The following EPB41L4A variants were observed in gnomAD, a reference collection of about 807,000 sequenced individuals.
EPB41L4A encodes band 4.1-like protein 4A.
A neutral mutation model predicts 108.6 loss-of-function variants in EPB41L4A; 100 were observed. That is an observed-to-expected ratio of 0.92 (90% confidence interval 0.78 to 1.09). EPB41L4A has a LOEUF of 1.09. Among genes scored for constraint, EPB41L4A ranks in the 50% least tolerant of loss-of-function variants. The probability of loss-of-function intolerance (pLI) is 0.00; values close to 1 mark genes in which losing one functional copy is unlikely to be tolerated. For synonymous variants in EPB41L4A, 319 were observed against 289.0 expected (o/e 1.10, Z -1.05); for missense variants, 1,030 against 842.7 (o/e 1.22, Z -2.75).
intron 2 of EPB41L4A, among the ~76,000 whole-genome samples, chr5:112,298,876 G>A (rs567750216): frequency 6.6e-6 from 1 of 152,042 alleles, no homozygotes; most frequent in Admixed American, 6.6e-5. Flanking sequence ...TAAGCTAGGA[G>A]GGTTGTCTCT....
At chr5:112,185,207 C>A (rs1336780096) in intron 17 of EPB41L4A, among the ~76,000 whole-genome samples, 1 of 151,806 alleles carries the variant, frequency 6.6e-6, no homozygotes, top group African/African-American at 2.4e-5. Flanking sequence ...GTATACAGAG[C>A]GGCATGGAAT....
intron 4 of EPB41L4A, among the ~76,000 whole-genome samples, chr5:112,272,204 G>A (rs1164475797): frequency 1.4e-5 from 2 of 141,144 alleles, no homozygotes; most frequent in Non-Finnish European, 3.0e-5. Context: ...CCGCAATCTT[G>A]GCTCACTGCA....
chr5:112,282,020 T>G (rs1316462589), intron 2 of EPB41L4A, among the ~76,000 whole-genome samples: 8 of 152,166 alleles, frequency 5.3e-5, no homozygotes, highest in Admixed American at 5.2e-4. Context: ...AAAACTAAAA[T>G]GTTCATTATT....
At chr5:112,235,933 C>G (rs1749300565) in intron 11 of EPB41L4A, among the ~76,000 whole-genome samples, 1 of 152,116 alleles carries the variant, frequency 6.6e-6, no homozygotes, top group African/African-American at 2.4e-5. Context: ...TAAAAAGGTA[C>G]ACAGGATAAC....
At chr5:112,415,529 T>C (rs1264062491) in intron 1 of EPB41L4A, among the ~76,000 whole-genome samples, 1 of 152,178 alleles carries the variant, frequency 6.6e-6, no homozygotes, top group East Asian at 1.9e-4. Flanking sequence ...AATCAAATCT[T>C]GTGACTTTTG....
At chr5:112,373,623 C>T (rs1460497471) in intron 1 of EPB41L4A, among the ~76,000 whole-genome samples, 1 of 152,180 alleles carries the variant, frequency 6.6e-6, no homozygotes, top group African/African-American at 2.4e-5. Context: ...GAAGAGGAAA[C>T]TGAGATACAA....
At chr5:112,161,575 T>C, downstream of EPB41L4A, 1 of 519,242 alleles carries the variant, frequency 1.9e-6, no homozygotes, top group South Asian at 1.4e-5. Context: ...TTCCTGCCCT[T>C]AAATTTGATA....
intron 1 of EPB41L4A, among the ~76,000 whole-genome samples, chr5:112,414,532 C>T (rs944909732): frequency 3.3e-5 from 5 of 152,046 alleles, no homozygotes; most frequent in Non-Finnish European, 5.9e-5. Context: ...GGATAAACTC[C>T]CACAGGGAGT....
intron 13 of EPB41L4A, among the ~76,000 whole-genome samples, chr5:112,145,133 T>TA (rs1461488190): frequency 6.6e-6 from 1 of 152,126 alleles, no homozygotes; most frequent in South Asian, 2.1e-4. Context: ...CTACTAAAAA[T>TA]ACAAAAATTA....
At chr5:112,353,231 T>A (rs542760659) in intron 1 of EPB41L4A, among the ~76,000 whole-genome samples, 1 of 149,134 alleles carries the variant, frequency 6.7e-6, no homozygotes, top group African/African-American at 2.4e-5. Context: ...GCATGCCTGT[T>A]GGCATGCTTG....
intron 12 of EPB41L4A, among the ~76,000 whole-genome samples, chr5:112,225,885 A>G (rs1748413874): frequency 6.6e-6 from 1 of 152,222 alleles, no homozygotes; most frequent in South Asian, 2.1e-4. Flanking sequence ...GTGACTCTGT[A>G]CAAGTCTCAG....
chr5:112,357,353 C>T (rs895897260), intron 1 of EPB41L4A, among the ~76,000 whole-genome samples: 1 of 147,774 alleles, frequency 6.8e-6, no homozygotes, highest in Non-Finnish European at 1.5e-5. Flanking sequence ...TGGGCCTTTA[C>T]AGAAATGTTC....
chr5:112,334,036 G>A (rs919858411), intron 1 of EPB41L4A, among the ~76,000 whole-genome samples: 1 of 152,174 alleles, frequency 6.6e-6, no homozygotes, highest in African/African-American at 2.4e-5. Context: ...ATGGGAACGG[G>A]TTGCGGGGTG....
At chr5:112,270,239 G>A (rs1267867649) in intron 4 of EPB41L4A, among the ~76,000 whole-genome samples, 1 of 152,158 alleles carries the variant, frequency 6.6e-6, no homozygotes, top group African/African-American at 2.4e-5. Context: ...TTAAGACCCT[G>A]CTGAGAAAAC....
At chr5:112,257,012 TA>T (rs1397300448) in intron 9 of EPB41L4A, 1 of 152,188 alleles carries the variant, frequency 6.6e-6, no homozygotes, top group Admixed American at 6.5e-5. Flanking sequence ...ATGACCATAC[TA>T]AGTCTTTCTG....
intron 1 of EPB41L4A, among the ~76,000 whole-genome samples, chr5:112,333,165 GC>G (rs1756674650): frequency 6.6e-6 from 1 of 152,180 alleles, no homozygotes; most frequent in Non-Finnish European, 1.5e-5. Flanking sequence ...CACCCAAAGG[GC>G]TTAGAGCAGA....
At chr5:112,239,061 A>G (rs1749579549) in intron 11 of EPB41L4A, among the ~76,000 whole-genome samples, 1 of 152,192 alleles carries the variant, frequency 6.6e-6, no homozygotes, top group Non-Finnish European at 1.5e-5. Flanking sequence ...GATTACCTGG[A>G]GAAGGGACTT....
At chr5:112,169,130 AAAAC>A (rs1561445032) in intron 20 of EPB41L4A, 25 bp from the exon 21 acceptor site, 1 of 1,511,374 alleles carries the variant, frequency 6.6e-7, no homozygotes, top group Non-Finnish European at 9.2e-7. Flanking sequence ...AAGAAACATG[AAAAC>A]AAACACCCAA....
At chr5:112,377,738 C>A (rs1025699238) in intron 1 of EPB41L4A, among the ~76,000 whole-genome samples, 1 of 152,134 alleles carries the variant, frequency 6.6e-6, no homozygotes, top group Admixed American at 6.5e-5. Context: ...TCTCTTGCAC[C>A]TCTTCAGAGA....
Sources: allele counts gnomAD v4.1 joint callset (sites outside exome capture counted in the v4.1 genomes callset), GRCh38; gene constraint gnomAD v4.1.1; transcripts MANE v1.5; gene names NCBI Gene and HGNC (gene_info 2026-07-23, HGNC 2026-07-21).